Variants in PAGE4 observed in about 807,000 individuals in gnomAD.
PAGE4 encodes the protein P antigen family member 4.
Under a neutral mutation model 8.5 loss-of-function variants are expected in PAGE4, and 1 was observed. That is an observed-to-expected ratio of 0.12 (90% confidence interval 0.04 to 0.56). The LOEUF is 0.56. PAGE4 is among the 20% of genes least tolerant of loss of function. The probability of loss-of-function intolerance (pLI) is 0.91; values close to 1 mark genes in which losing one functional copy is unlikely to be tolerated. For missense variants in PAGE4, 93 were observed against 82.7 expected (o/e 1.13, Z -0.49); for synonymous variants, 26 against 26.3 (o/e 0.99, Z 0.04).
Position 49,833,940 on chromosome X carries a change from C to G in PAGE4, c.*78C>G. The G allele has an allele frequency of 2.6e-6, 2 of 774,826 alleles. No homozygotes were observed. Among genetic ancestry groups the G allele is most frequent in the Middle Eastern group, 4.2e-4 (1 of 2,398 alleles). The allele number at this position is 774,826 out of a possible 1,213,427, so 63.9% of individuals were successfully genotyped here. On this transcript the variant is annotated 3_prime_UTR_variant, in exon 5 of 5. Coordinates refer to ENST00000218068, the MANE Select transcript of PAGE4 (RefSeq NM_007003.4). ...ATGTGACTGAAAATTTGAAAATTCT[C>G]TCAATAAAGTTTGAGTTTTCTCTGA...
chrX:49,830,965 A>G, intron 2 of PAGE4, 32 bp from the exon 3 acceptor site: 3 of 958,273 alleles, frequency 3.1e-6, no homozygotes, highest in Non-Finnish European at 4.4e-6. Flanking sequence ...ACAATATTCT[A>G]TTTGCATCTA....
Position 49,832,572 on chromosome X carries a change from C to A in PAGE4, c.214C>A (p.Arg72=). The A allele has an allele frequency of 8.4e-7, 1 of 1,191,360 alleles. No homozygotes were observed. The highest frequency in any genetic ancestry group is 1.1e-6 in the Non-Finnish European group (1 of 878,223). ...CCAGGAAATGGATCTGGAAAAGACT[C>A]GGAGTGAGCGTGGAGATGGCTCTGA... is the stretch of plus-strand genomic sequence containing the variant. ...DCQEMDLEKT[R]SERGDGSDVK... Residue 72 remains arginine (R), a synonymous_variant, in exon 4 of 5, where the codon CGG becomes AGG. Coordinates refer to ENST00000218068, the MANE Select transcript of PAGE4 (RefSeq NM_007003.4).
At chrX:49,832,465 A>T in intron 3 of PAGE4, 60 bp from the exon 4 acceptor site, 1 of 801,626 alleles carries the variant, frequency 1.2e-6, no homozygotes, top group Non-Finnish European at 1.8e-6. Flanking sequence ...AGCTTTATTT[A>T]ATAACACTAA....
intron 2 of PAGE4, 123 bp downstream of exon 2, chrX:49,830,629 A>C: frequency 6.3e-6 from 3 of 477,550 alleles, no homozygotes; most frequent in Non-Finnish European, 1.1e-5. Flanking sequence ...AAATAGTTGC[A>C]AACTAAATCA....
At chrX:49,830,607 C>A in intron 2 of PAGE4, 101 bp downstream of exon 2, 1 of 548,288 alleles carries the variant, frequency 1.8e-6, no homozygotes, top group Non-Finnish European at 2.9e-6. Context: ...ATATAAAGGA[C>A]TTCCCTGCTG....
intron 4 of PAGE4, among the ~76,000 whole-genome samples, chrX:49,833,108 C>T (rs1271178892): frequency 8.9e-6 from 1 of 111,812 alleles, no homozygotes; most frequent in Non-Finnish European, 1.9e-5. Flanking sequence ...GTAGCAGTTT[C>T]CCTCACATTT....
chrX:49,830,592 C>T, intron 2 of PAGE4, 86 bp downstream of exon 2: 1 of 651,038 alleles, frequency 1.5e-6, no homozygotes, highest in East Asian at 3.6e-5. Flanking sequence ...CAATATAGAT[C>T]TGTTATATAA....
chrX:49,831,515 A>G (rs1923478076), intron 3 of PAGE4, among the ~76,000 whole-genome samples: 1 of 112,382 alleles, frequency 8.9e-6, no homozygotes, highest in Non-Finnish European at 1.9e-5. Context: ...AGAGAAATAA[A>G]AATGTGAAAT....
intron 1 of PAGE4, 134 bp from the exon 2 acceptor site, chrX:49,830,265 T>C: frequency 2.6e-6 from 1 of 389,358 alleles, no homozygotes. Flanking sequence ...ATAGATTTAT[T>C]TGATGTGATT....
intron 3 of PAGE4, among the ~76,000 whole-genome samples, chrX:49,832,295 G>A (rs1923500145): frequency 9.0e-6 from 1 of 111,635 alleles, no homozygotes; most frequent in African/African-American, 3.3e-5. Context: ...TACAGTAACA[G>A]AAGTATATGT....
chrX:49,833,611 A>C (rs782133712), intron 4 of PAGE4, among the ~76,000 whole-genome samples: 1 of 112,117 alleles, frequency 8.9e-6, no homozygotes, highest in Non-Finnish European at 1.9e-5. Flanking sequence ...CATAGCATTT[A>C]ATCTGTTCTG....
At chrX:49,830,257 A>G (rs960291515) in intron 1 of PAGE4, 142 bp from the exon 2 acceptor site, 9 of 374,257 alleles carry the variant, frequency 2.4e-5, no homozygotes, top group Non-Finnish European at 4.1e-5. Flanking sequence ...GTTTGCAGAT[A>G]GATTTATTTG....
chrX:49,832,733 T>A (rs940891618), intron 4 of PAGE4, 83 bp downstream of exon 4: 203 of 894,335 alleles, frequency 2.3e-4, no homozygotes, highest in Non-Finnish European at 2.8e-4. Context: ...CATACAAATA[T>A]TATTTGAAAG....
At chrX:49,830,804 G>T in intron 2 of PAGE4, 193 bp from the exon 3 acceptor site, 2 of 441,163 alleles carry the variant, frequency 4.5e-6, no homozygotes, top group Non-Finnish European at 7.9e-6. Context: ...GTCCTTGCAG[G>T]TAACTCCTTA....
At chrX:49,831,720 T>C (rs1386201401) in intron 3 of PAGE4, among the ~76,000 whole-genome samples, 1 of 112,098 alleles carries the variant, frequency 8.9e-6, no homozygotes, top group Admixed American at 9.5e-5. Context: ...TTTATCTCCC[T>C]GTTTTTACCA....
intron 3 of PAGE4, chrX:49,831,446 A>G: frequency 5.8e-6 from 1 of 171,565 alleles, no homozygotes; most frequent in Non-Finnish European, 1.1e-5. Flanking sequence ...TAAAAGTTTG[A>G]GCAAACCATA....
In PAGE4 at chrX:49,830,392, A is replaced by C. The variant is rs377646297; in HGVS notation, c.-30-7A>C. On this transcript the variant is annotated splice_polypyrimidine_tract_variant and splice_region_variant and intron_variant, in intron 1 of 4. Transcript: ENST00000218068. ...GAGTCAAGTATAATTACTCCTTTTT[A>C]TTGCAGTCTTCAGTTCACGATCTTC... The C allele has an allele frequency of 2.0e-6, 2 of 981,814 alleles. No individual in the cohort carries two copies. Among genetic ancestry groups the C allele is most frequent in the South Asian group, 4.3e-5 (2 of 46,145 alleles). 80.9% of individuals were successfully genotyped at this position (981,814 alleles called of 1,213,427 possible). A position where few individuals can be genotyped will look rare whatever the true frequency, so the allele number is the denominator to read the frequency against.
In PAGE4 at chrX:49,831,076, C is replaced by T. The variant is rs868950611; in HGVS notation, c.158C>T (p.Pro53Leu). Reference protein sequence around the residue: ...EPGQEREGTPPIEERKVEGDC... With the variant: ...EPGQEREGTPLIEERKVEGDC... ...GGACAAGAGAGAGAAGGAACACCTC[C>T]GATCGAAGGTGAGAAGGGCATGGAG... The change falls in exon 3 of 5, where the codon CCG becomes CTG. Residue 53 changes from proline (P) to leucine (L), a missense_variant. Pro to Leu is a moderately conservative substitution (Grantham distance 98). Transcript: ENST00000218068. 12 of 1,159,172 alleles carry T rather than the reference C, an allele frequency of 1.0e-5. No homozygotes were observed. The highest frequency in any genetic ancestry group is 1.4e-5 in the Non-Finnish European group (12 of 859,650).
rs182339616 is a variant in PAGE4, at chrX:49,833,843, T to C, written c.293-3T>C. The C allele has an allele frequency of 5.9e-6, 7 of 1,180,510 alleles. No individual in the cohort carries two copies. Among genetic ancestry groups the C allele is most frequent in the South Asian group, 5.4e-5 (3 of 55,295 alleles). On this transcript the variant is annotated splice_polypyrimidine_tract_variant and splice_region_variant and intron_variant, in intron 4 of 4. Coordinates refer to ENST00000218068, the MANE Select transcript of PAGE4 (RefSeq NM_007003.4). ...GAACTCAACTGTTATGTTTATATTT[T>C]AGGAGATGGGCAGCCATAAGTTAAA...
Sources: allele counts gnomAD v4.1 joint callset (sites outside exome capture counted in the v4.1 genomes callset), GRCh38; gene constraint gnomAD v4.1.1; transcripts MANE v1.5; gene names NCBI Gene and HGNC (gene_info 2026-07-23, HGNC 2026-07-21).